The following SGCZ variants were observed in gnomAD, a reference collection of about 807,000 sequenced individuals.
The protein encoded by SGCZ is sarcoglycan zeta.
In SGCZ, 40 loss-of-function variants were observed where a neutral mutation model predicts 41.3. The ratio of observed to expected loss-of-function variants is 0.97; its 90% CI spans 0.75 to 1.26. The LOEUF (loss-of-function observed/expected upper bound fraction) is 1.26. SGCZ is among the 50% of genes most tolerant of loss of function. The pLI is 0.00. For synonymous variants in SGCZ, 206 were observed against 137.5 expected (o/e 1.50, Z -3.49); for missense variants, 552 against 369.8 (o/e 1.49, Z -4.04).
At chr8:14,435,263 A>G (rs772696376) in intron 2 of SGCZ, among the ~76,000 whole-genome samples, 1 of 152,170 alleles carries the variant, frequency 6.6e-6, no homozygotes, top group Non-Finnish European at 1.5e-5. Flanking sequence ...TTTGCCTTGA[A>G]TGTTCAACAT....
intron 2 of SGCZ, among the ~76,000 whole-genome samples, chr8:14,335,490 G>T (rs1018428736): frequency 6.6e-6 from 1 of 151,952 alleles, no homozygotes; most frequent in African/African-American, 2.4e-5. Flanking sequence ...TGTAATATTA[G>T]CTTCTTTTTA....
At chr8:14,881,946 G>T (rs1342560991) in intron 1 of SGCZ, among the ~76,000 whole-genome samples, 1 of 152,066 alleles carries the variant, frequency 6.6e-6, no homozygotes, top group Non-Finnish European at 1.5e-5. Context: ...AGAACTACAT[G>T]GAAATTGAAC....
At chr8:15,165,879 T>A (rs12546353) in intron 1 of SGCZ, among the ~76,000 whole-genome samples, 33,568 of 152,174 alleles carry the variant, frequency 0.22, 4,705 homozygotes, top group East Asian at 0.68. Context: ...GGTTTTTCTG[T>A]AAATTGAGCA....
rs538897144 is a variant in SGCZ, at chr8:14,529,615, A to G, written c.234+25117T>C. Among the ~76,000 whole-genome samples, 12 of 152,250 alleles carry G rather than the reference A, an allele frequency of 7.9e-5. No homozygotes were observed. In the South Asian group the frequency reaches 2.5e-3, roughly 32 times the overall value. ...TATGCAATGGAGAGGTTTTATGTTA[A>G]TGTACCCATATTACAAAAAGAGAAA... On this transcript the variant is annotated intron_variant, in intron 2 of 7. Coordinates refer to ENST00000382080, the MANE Select transcript of SGCZ (RefSeq NM_139167.4).
intron 1 of SGCZ, among the ~76,000 whole-genome samples, chr8:14,681,286 A>C (rs1401788224): frequency 1.3e-5 from 2 of 152,170 alleles, no homozygotes; most frequent in Non-Finnish European, 2.9e-5. Context: ...CTGTAGATGT[A>C]TAATCAGGAA....
At chr8:14,524,278 A>C (rs537689381) in intron 2 of SGCZ, among the ~76,000 whole-genome samples, 1 of 151,548 alleles carries the variant, frequency 6.6e-6, no homozygotes, top group East Asian at 2.0e-4. Context: ...TGCCTTACTG[A>C]TTCCTGGCAG....
intron 2 of SGCZ, among the ~76,000 whole-genome samples, chr8:14,437,327 A>C (rs1350846423): frequency 1.3e-5 from 2 of 152,178 alleles, no homozygotes; most frequent in African/African-American, 4.8e-5. Flanking sequence ...CCACTTGTCA[A>C]GTTTTGCTGT....
At chr8:14,953,927 A>C (rs987363571) in intron 1 of SGCZ, among the ~76,000 whole-genome samples, 1 of 152,194 alleles carries the variant, frequency 6.6e-6, no homozygotes, top group African/African-American at 2.4e-5. Flanking sequence ...ATACTGGCTA[A>C]ATATTTTTTT....
chr8:14,335,088 G>C (rs867631720), intron 2 of SGCZ, among the ~76,000 whole-genome samples: 14 of 152,224 alleles, frequency 9.2e-5, no homozygotes, highest in African/African-American at 1.7e-4. Context: ...CTTGGGATTA[G>C]GCAGCAATAT....
At chr8:14,784,956 TATATATATATA>T (rs1475276506) in intron 1 of SGCZ, among the ~76,000 whole-genome samples, 1 of 101,818 alleles carries the variant, frequency 9.8e-6, no homozygotes, top group Non-Finnish European at 2.1e-5. Flanking sequence ...TTTTTTATAT[TATATATATATA>T]ATATATATAT....
chr8:14,277,008 G>T, intron 3 of SGCZ, among the ~76,000 whole-genome samples: 1 of 152,190 alleles, frequency 6.6e-6, no homozygotes, highest in East Asian at 1.9e-4. Flanking sequence ...ACACTGTGGA[G>T]TGTACTTTCA....
At chr8:15,172,350 C>T (rs1339875147) in intron 1 of SGCZ, among the ~76,000 whole-genome samples, 1 of 150,636 alleles carries the variant, frequency 6.6e-6, no homozygotes, top group Non-Finnish European at 1.5e-5. Context: ...TTAGTAGAGA[C>T]GGGGTTTCAC....
chr8:14,831,814 G>GTACACATACA lies in SGCZ; in HGVS notation c.40-276889_40-276888insTGTATGTGTA, dbSNP rs1221998464. Among the ~76,000 whole-genome samples, 15 of 134,850 alleles carry GTACACATACA rather than the reference G, an allele frequency of 1.1e-4. No homozygotes were observed. In the East Asian group the frequency reaches 2.1e-3, roughly 19 times the overall value. The allele number at this position is 134,850 out of a possible 152,430, so 88.5% of individuals were successfully genotyped here. A position where few individuals can be genotyped will look rare whatever the true frequency, so the allele number is the denominator to read the frequency against. ...TGTGTACACATACATGTATATATGT[G>GTACACATACA]TGCACATACATGTATATATGTGTGC... On this transcript the variant is annotated intron_variant, in intron 1 of 7. Transcript: ENST00000382080.
chr8:14,872,024 T>C (rs1804175048), intron 1 of SGCZ, among the ~76,000 whole-genome samples: 1 of 151,838 alleles, frequency 6.6e-6, no homozygotes, highest in Non-Finnish European at 1.5e-5. Context: ...TGCAGGAACA[T>C]GGAAGAAGCT....
intron 2 of SGCZ, among the ~76,000 whole-genome samples, chr8:14,518,438 CA>C (rs1802690322): frequency 6.6e-6 from 1 of 151,882 alleles, no homozygotes; most frequent in Admixed American, 6.6e-5. Flanking sequence ...ATCTTTATTC[CA>C]TGTGTAATAT....
intron 2 of SGCZ, among the ~76,000 whole-genome samples, chr8:14,419,713 T>C (rs1184692851): frequency 1.3e-5 from 2 of 152,010 alleles, no homozygotes; most frequent in Non-Finnish European, 2.9e-5. Flanking sequence ...GCTTTTAAAT[T>C]AAAATAAACT....
At chr8:15,055,241 A>G (rs935738686) in intron 1 of SGCZ, among the ~76,000 whole-genome samples, 1 of 151,340 alleles carries the variant, frequency 6.6e-6, no homozygotes, top group African/African-American at 2.5e-5. Context: ...CATAAAACAG[A>G]TATTTTAATA....
intron 2 of SGCZ, among the ~76,000 whole-genome samples, chr8:14,414,012 T>C (rs996338344): frequency 6.6e-6 from 1 of 152,004 alleles, no homozygotes; most frequent in Non-Finnish European, 1.5e-5. Flanking sequence ...AGATACCCCA[T>C]GAAAATAAAT....
Position 15,032,793 on chromosome 8 carries a change from A to C in SGCZ, c.39+204792T>G, listed in dbSNP as rs1292434024. On this transcript the variant is annotated intron_variant, in intron 1 of 7. Transcript: ENST00000382080. Reference sequence around the variant, plus strand: ...GCCCTAGTACCAGGTCAGCTCCTACAGCCCTAGACATCAGGCTAGCACCCA... The same window carrying C: ...GCCCTAGTACCAGGTCAGCTCCTACCGCCCTAGACATCAGGCTAGCACCCA... 4.6e-5 allele frequency among the ~76,000 whole-genome samples: 7 copies of C among 152,040 alleles called. No individual in the cohort carries two copies. In the East Asian group the frequency reaches 1.4e-3, roughly 29 times the overall value.
Sources: gnomAD v4.1 joint callset for allele counts (sites outside exome capture counted in the v4.1 genomes callset) on GRCh38, gnomAD v4.1.1 for gene constraint, MANE v1.5 for transcripts, NCBI Gene and HGNC (gene_info 2026-07-23, HGNC 2026-07-21) for gene names.